Variants in UVRAG observed in about 807,000 individuals in gnomAD.
The protein encoded by UVRAG is UV radiation resistance-associated gene protein.
UVRAG carries 19 observed loss-of-function variants against 78.0 expected under a neutral mutation model. The observed-to-expected ratio is 0.24, with a 90% confidence interval of 0.17 to 0.36. The LOEUF is 0.36. Among genes scored for constraint, UVRAG ranks in the 10% least tolerant of loss-of-function variants. The pLI, the probability that UVRAG is intolerant of heterozygous loss-of-function variation, is 1.00. For synonymous variants in UVRAG, 323 were observed against 324.6 expected, an observed-to-expected ratio of 1.00 and a Z score of 0.05; for missense variants, 740 against 853.8, an observed-to-expected ratio of 0.87 and a Z score of 1.66.
intron 13 of UVRAG, among the ~76,000 whole-genome samples, chr11:76,091,977 C>T (rs1465989333): frequency 6.6e-6 from 1 of 152,018 alleles, no homozygotes; most frequent in Non-Finnish European, 1.5e-5. Context: ...AATGCTTTCC[C>T]TCCCCCTTCC....
intron 3 of UVRAG, among the ~76,000 whole-genome samples, chr11:75,871,967 A>G (rs1331644155): frequency 1.3e-5 from 2 of 152,198 alleles, no homozygotes; most frequent in Non-Finnish European, 2.9e-5. Flanking sequence ...GTTCTGGAAA[A>G]TCATACCAGT....
chr11:75,850,785 A>G (rs560970527), intron 1 of UVRAG, among the ~76,000 whole-genome samples: 1 of 152,346 alleles, frequency 6.6e-6, no homozygotes, highest in South Asian at 2.1e-4. Flanking sequence ...TTTTAGAGTA[A>G]GCCCAGGAAA....
chr11:75,888,987 C>G, intron 5 of UVRAG, 84 bp downstream of exon 5: 1 of 1,135,866 alleles, frequency 8.8e-7, no homozygotes, highest in Non-Finnish European at 1.2e-6. Context: ...ATCCTGAAAA[C>G]TCTGTGTAAA....
chr11:75,981,258 C>T (rs1949386236), intron 7 of UVRAG, among the ~76,000 whole-genome samples: 1 of 151,912 alleles, frequency 6.6e-6, no homozygotes, highest in South Asian at 2.1e-4. Context: ...ATTACAGGTG[C>T]CCACTACCGT....
intron 12 of UVRAG, among the ~76,000 whole-genome samples, chr11:76,038,810 TG>T (rs1477560103): frequency 1.3e-5 from 2 of 152,140 alleles, no homozygotes; most frequent in African/African-American, 4.8e-5. Context: ...GACCTGAGGG[TG>T]GCTCCTAAGA....
chr11:75,854,566 G>A (rs573034627), intron 2 of UVRAG, among the ~76,000 whole-genome samples: 2 of 152,132 alleles, frequency 1.3e-5, no homozygotes, highest in South Asian at 2.1e-4. Context: ...ACAGGCATGC[G>A]CCACCACACC....
chr11:75,974,624 C>T (rs1198759936), intron 7 of UVRAG, among the ~76,000 whole-genome samples: 1 of 152,100 alleles, frequency 6.6e-6, no homozygotes, highest in East Asian at 1.9e-4. Context: ...CCTCGGCCTC[C>T]CAAAGTGCTG....
intron 4 of UVRAG, among the ~76,000 whole-genome samples, chr11:75,886,997 G>C (rs1947092746): frequency 2.0e-5 from 3 of 147,376 alleles, no homozygotes; most frequent in East Asian, 2.0e-4. Context: ...ACGGAGTCTC[G>C]CTCTGTCGCC....
intron 13 of UVRAG, among the ~76,000 whole-genome samples, chr11:76,098,228 G>A (rs2134439611): frequency 6.6e-6 from 1 of 152,226 alleles, no homozygotes; most frequent in Non-Finnish European, 1.5e-5. Flanking sequence ...AAGAAACAGT[G>A]TCCTTAGGAA....
chr11:76,066,411 A>G (rs1951186663), intron 13 of UVRAG, among the ~76,000 whole-genome samples: 2 of 152,148 alleles, frequency 1.3e-5, no homozygotes, highest in Non-Finnish European at 2.9e-5. Flanking sequence ...CTACTTCAAG[A>G]TGTAGGCATT....
At chr11:76,074,012 A>G (rs1808968929) in intron 13 of UVRAG, among the ~76,000 whole-genome samples, 1 of 152,166 alleles carries the variant, frequency 6.6e-6, no homozygotes, top group African/African-American at 2.4e-5. Flanking sequence ...CACTCATCTC[A>G]CTAAGTTTCT....
chr11:75,823,429 A>C (rs1039246889), intron 1 of UVRAG, among the ~76,000 whole-genome samples: 2 of 152,094 alleles, frequency 1.3e-5, no homozygotes, highest in African/African-American at 4.8e-5. Context: ...TAACTCCTGG[A>C]CTCAAATTAT....
At chr11:75,868,570 G>C (rs1351038285) in intron 3 of UVRAG, among the ~76,000 whole-genome samples, 1 of 152,198 alleles carries the variant, frequency 6.6e-6, no homozygotes, top group African/African-American at 2.4e-5. Flanking sequence ...AACAATTCAT[G>C]GTGAATGTAT....
chr11:75,903,466 A>G (rs1433619029), intron 5 of UVRAG, among the ~76,000 whole-genome samples: 1 of 152,210 alleles, frequency 6.6e-6, no homozygotes, highest in Non-Finnish European at 1.5e-5. Flanking sequence ...ACTGAAGCTA[A>G]ACGAATTGGA....
chr11:75,961,092 G>A (rs547499275), intron 6 of UVRAG, among the ~76,000 whole-genome samples: 3 of 151,668 alleles, frequency 2.0e-5, no homozygotes, highest in Admixed American at 6.6e-5. Flanking sequence ...ATACTCTCTC[G>A]GTGACTTTAG....
intron 6 of UVRAG, among the ~76,000 whole-genome samples, chr11:75,915,730 A>C (rs1947835634): frequency 6.6e-6 from 1 of 152,252 alleles, no homozygotes; most frequent in South Asian, 2.1e-4. Context: ...TAAGGAATAC[A>C]GGCTTAGTAG....
chr11:75,973,060 A>T (rs964864641), intron 7 of UVRAG, among the ~76,000 whole-genome samples: 1 of 152,148 alleles, frequency 6.6e-6, no homozygotes, highest in African/African-American at 2.4e-5. Context: ...ATTAGCTAGG[A>T]CTTCAGGTAT....
intron 6 of UVRAG, among the ~76,000 whole-genome samples, chr11:75,931,280 G>C (rs545931525): frequency 6.6e-6 from 1 of 151,950 alleles, no homozygotes; most frequent in African/African-American, 2.4e-5. Flanking sequence ...CAAATGTCAC[G>C]TTATGACACC....
chr11:76,071,990 C>A (rs1951319334), intron 13 of UVRAG, among the ~76,000 whole-genome samples: 1 of 152,064 alleles, frequency 6.6e-6, no homozygotes, highest in South Asian at 2.1e-4. Context: ...AAGTCTGGAT[C>A]TCAGGACTGG....
Sources: allele counts gnomAD v4.1 joint callset (sites outside exome capture counted in the v4.1 genomes callset), GRCh38; gene constraint gnomAD v4.1.1; transcripts MANE v1.5; gene names NCBI Gene and HGNC (gene_info 2026-07-23, HGNC 2026-07-21).